TJP3: variants seen among roughly 807,000 people sequenced by gnomAD.
TJP3 encodes tight junction protein ZO-3.
A neutral mutation model predicts 104.2 loss-of-function variants in TJP3; 85 were observed. That is an observed-to-expected ratio of 0.82 (90% CI 0.68 to 0.98). The LOEUF (loss-of-function observed/expected upper bound fraction) is 0.98. Among genes scored for constraint, TJP3 ranks in the 50% least tolerant of loss-of-function variants. The probability of loss-of-function intolerance (pLI) is 0.00; values close to 1 mark genes in which losing one functional copy is unlikely to be tolerated. For missense variants in TJP3, 1,367 were observed against 1,322.8 expected, an observed-to-expected ratio of 1.03 and a Z score of -0.52; for synonymous variants, 550 against 550.6, an observed-to-expected ratio of 1.00 and a Z score of 0.02.
chr19:3,744,704 G>A (rs1238960013), intron 15 of TJP3, among the ~76,000 whole-genome samples: 5 of 151,686 alleles, frequency 3.3e-5, no homozygotes, highest in Non-Finnish European at 5.9e-5. Flanking sequence ...CTAGGAGGCC[G>A]GGCGCAGTGG....
intron 13 of TJP3, among the ~76,000 whole-genome samples, chr19:3,739,958 G>A (rs2145695640): frequency 6.6e-6 from 1 of 152,130 alleles, no homozygotes; most frequent in South Asian, 2.1e-4. Flanking sequence ...TGCAGGCCAG[G>A]CACGGTGGCT....
At chr19:3,724,132 T>C (rs1168498576) in intron 1 of TJP3, among the ~76,000 whole-genome samples, 1 of 151,742 alleles carries the variant, frequency 6.6e-6, no homozygotes, top group Non-Finnish European at 1.5e-5. Flanking sequence ...GGGACAAGCC[T>C]GGACCACCTG....
chr19:3,718,443 T>C (rs2036511464), intron 1 of TJP3, among the ~76,000 whole-genome samples: 1 of 149,772 alleles, frequency 6.7e-6, no homozygotes, highest in Non-Finnish European at 1.5e-5. Flanking sequence ...TGCAGCATTT[T>C]CTTTTCTTGC....
At chr19:3,711,748 A>AGAAGAAG (rs1555736161) in intron 1 of TJP3, among the ~76,000 whole-genome samples, 2 of 128,166 alleles carry the variant, frequency 1.6e-5, no homozygotes, top group African/African-American at 6.0e-5. Flanking sequence ...AAAAAAAAAA[A>AGAAGAAG]AAAGGTGCTT....
At chr19:3,733,171 G>A (rs1248224509) in intron 6 of TJP3, among the ~76,000 whole-genome samples, 3 of 151,754 alleles carry the variant, frequency 2.0e-5, no homozygotes, top group African/African-American at 7.3e-5. Context: ...GAGTAGCTGG[G>A]ACCACAGGCG....
intron 11 of TJP3, among the ~76,000 whole-genome samples, chr19:3,738,135 G>C (rs1325563511): frequency 6.6e-6 from 1 of 152,146 alleles, no homozygotes; most frequent in Non-Finnish European, 1.5e-5. Context: ...AGGCATCTGT[G>C]ACCCACTGTG....
chr19:3,729,059 AAAGT>A (rs1170666825), intron 3 of TJP3, among the ~76,000 whole-genome samples: 3 of 152,078 alleles, frequency 2.0e-5, no homozygotes, highest in African/African-American at 4.8e-5. Context: ...TCTCAAAAAG[AAAGT>A]AAGTGAGGTG....
At position 3,747,938 on chromosome 19, in the gene TJP3, A is replaced by G. The variant is rs938978191; in HGVS notation, c.2467A>G (p.Thr823Ala). ...GGAYTDGEGY[T>A]DGEGGPYTDV... ...CGCGTACACGGATGGCGAGGGCTAC[A>G]CAGACGGCGAGGGGGGGCCCTACAC... is the stretch of plus-strand genomic sequence containing the variant. Residue 823 changes from threonine to alanine, a missense_variant, in exon 19 of 21, where the codon ACA (threonine) becomes GCA (alanine). By Grantham distance (58) the Thr-to-Ala change is moderately conservative. Transcript: ENST00000541714. 3.7e-6 allele frequency: 6 copies of G among 1,613,014 alleles called. No homozygotes were observed. The highest frequency in any genetic ancestry group is 5.1e-6 in the Non-Finnish European group (6 of 1,179,888).
intron 1 of TJP3, among the ~76,000 whole-genome samples, chr19:3,717,406 TA>T: frequency 1.0e-4 from 2 of 19,172 alleles, no homozygotes; most frequent in South Asian, 3.7e-3. Flanking sequence ...AGCCATAGCT[TA>T]TATATATATA....
chr19:3,741,127 A>G (rs1259714260), intron 14 of TJP3, among the ~76,000 whole-genome samples: 2 of 151,960 alleles, frequency 1.3e-5, no homozygotes, highest in South Asian at 2.1e-4. Flanking sequence ...CAGCCTCCCA[A>G]GTAACCGGGA....
chr19:3,735,964 C>T (rs769236787), intron 10 of TJP3, 29 bp downstream of exon 10: 2 of 1,613,196 alleles, frequency 1.2e-6, no homozygotes, highest in Non-Finnish European at 1.7e-6. Context: ...AGCAAACCCG[C>T]TCAAAACTCC....
rs748534136 is a variant in TJP3, at chr19:3,730,501, T to C, written c.408T>C (p.Ser136=). ...GGGGCTATGACGGCGACTCATCCAGTGGCTCCGGCCGCTCCTGGGACGAGC... is the reference window on the plus strand; with the variant it reads ...GGGGCTATGACGGCGACTCATCCAGCGGCTCCGGCCGCTCCTGGGACGAGC... ...QGRGYDGDSS[S]GSGRSWDERS... Residue 136 remains serine, a synonymous_variant, in exon 5 of 21, where the codon AGT becomes AGC. Transcript: ENST00000541714. The surrounding 1 kb of genome is among the most constrained non-coding windows in gnomAD (Gnocchi z 7.3). 8.2e-6 allele frequency: 13 copies of C among 1,587,274 alleles called. No homozygotes were observed. The South Asian group carries it at 1.2e-4, about 15-fold the overall frequency.
chr19:3,727,078 G>A (rs1236206159), intron 1 of TJP3, among the ~76,000 whole-genome samples: 2 of 150,642 alleles, frequency 1.3e-5, no homozygotes, highest in African/African-American at 4.9e-5. Flanking sequence ...CAGAGACCCT[G>A]TCTAAAAAAA....
At chr19:3,744,669 A>C (rs556312) in intron 15 of TJP3, among the ~76,000 whole-genome samples, 77,384 of 150,094 alleles carry the variant, frequency 0.52, 20,161 homozygotes, top group Admixed American at 0.58. Flanking sequence ...TCAAAAAAAA[A>C]AAAAACAAAA....
chr19:3,732,747 G>T (rs2036687904), intron 6 of TJP3, among the ~76,000 whole-genome samples: 1 of 152,104 alleles, frequency 6.6e-6, no homozygotes, highest in Non-Finnish European at 1.5e-5. Context: ...GACCTCAGGT[G>T]ATCCCCCCCG....
chr19:3,743,822 A>T, intron 14 of TJP3, 117 bp from the exon 15 acceptor site: 1 of 900,022 alleles, frequency 1.1e-6, no homozygotes, highest in East Asian at 2.5e-5. Context: ...CTGGGTAGCT[A>T]TGGTCCTGGT....
chr19:3,740,323 G>A (rs951173496), intron 13 of TJP3, among the ~76,000 whole-genome samples: 2 of 152,142 alleles, frequency 1.3e-5, no homozygotes, highest in East Asian at 1.9e-4. Flanking sequence ...CAGGAGAATC[G>A]CCTGAACCCA....
At chr19:3,721,894 T>C (rs1427960015) in intron 1 of TJP3, 3 of 1,200,952 alleles carry the variant, frequency 2.5e-6, no homozygotes, top group Non-Finnish European at 1.0e-6. Flanking sequence ...AGGTGGACCA[T>C]GGCGGTGAGA....
chr19:3,749,967 A>G (rs958604234), intron 19 of TJP3, among the ~76,000 whole-genome samples, 171 bp from the exon 20 acceptor site: 9 of 152,080 alleles, frequency 5.9e-5, no homozygotes, highest in African/African-American at 2.2e-4. Context: ...CCCCTATCCC[A>G]GCCTCAGTTT....
Sources: allele counts gnomAD v4.1 joint callset (sites outside exome capture counted in the v4.1 genomes callset), GRCh38; gene constraint gnomAD v4.1.1; non-coding constraint Gnocchi (gnomAD v3.1); transcripts MANE v1.5; gene names NCBI Gene and HGNC (gene_info 2026-07-23, HGNC 2026-07-21).